Variants in CEP290 observed in about 807,000 individuals in gnomAD.
CEP290 encodes the protein centrosomal protein of 290 kDa.
Under a neutral mutation model 344.9 loss-of-function variants are expected in CEP290, and 317 were observed. The observed-to-expected ratio is 0.92, with a 90% CI of 0.84 to 1.01. The LOEUF (loss-of-function observed/expected upper bound fraction) is 1.01. Among genes scored for constraint, CEP290 ranks in the 50% least tolerant of loss-of-function variants. The pLI is 0.00. For synonymous variants in CEP290, 932 were observed against 895.8 expected (o/e 1.04, Z -0.72); for missense variants, 2,754 against 2,761.4 (o/e 1.00, Z 0.06).
chr12:88,069,304 A>T (rs1381928516), intron 43 of CEP290, among the ~76,000 whole-genome samples: 6 of 152,148 alleles, frequency 3.9e-5, no homozygotes, highest in Non-Finnish European at 8.8e-5. Flanking sequence ...AGAAATTCAA[A>T]CTAGAGTTCA....
chr12:88,077,198 A>G (rs748973020), intron 41 of CEP290, 24 bp downstream of exon 41: 2 of 1,593,526 alleles, frequency 1.3e-6, no homozygotes, highest in Non-Finnish European at 1.7e-6. Context: ...TTAAGCATAT[A>G]AGTCAGTATG....
chr12:88,051,492 G>T (rs1210580723), intron 52 of CEP290, among the ~76,000 whole-genome samples: 2 of 152,094 alleles, frequency 1.3e-5, no homozygotes, highest in African/African-American at 4.8e-5. Flanking sequence ...GTGTGCTACT[G>T]TACTGGGCTT....
intron 5 of CEP290, among the ~76,000 whole-genome samples, chr12:88,137,806 G>A (rs2040426682): frequency 6.6e-6 from 1 of 152,016 alleles, no homozygotes; most frequent in Admixed American, 6.6e-5. Context: ...GTGCTTCTAG[G>A]TTTACCCCAC....
intron 27 of CEP290, among the ~76,000 whole-genome samples, chr12:88,095,767 G>A (rs1483056898): frequency 6.6e-6 from 1 of 151,990 alleles, no homozygotes; most frequent in Non-Finnish European, 1.5e-5. Flanking sequence ...ATACATTATC[G>A]AAAGCAGCAA....
At position 88,055,660 on chromosome 12, in the gene CEP290, G is replaced by C. The variant is rs538590274; in HGVS notation, c.6876C>G (p.Ser2292Arg). The C allele has an allele frequency of 5.1e-6, 8 of 1,556,268 alleles. No homozygotes were observed. The highest frequency in any genetic ancestry group is 2.5e-5 in the South Asian group (2 of 81,412). Residue 2292 changes from serine (S) to arginine (R), a missense_variant, in exon 50 of 54, where the codon AGC becomes AGG. Ser to Arg is a moderately radical substitution (Grantham distance 110). Coordinates refer to ENST00000552810, the MANE Select transcript of CEP290 (RefSeq NM_025114.4). ...TTACAAGCTGTTTAAGGTCAGTAAT[G>C]CTTTGATTTTTTTTGGCAATATCAG... ...LETDIAKKNQ[S>R]ITDLKQLVKE... is the part of the protein sequence containing the mutation.
chr12:88,117,026 C>A lies in CEP290; in HGVS notation c.1824+7G>T, dbSNP rs1171490250. On this transcript the variant is annotated splice_region_variant and intron_variant, in intron 18 of 53. Transcript: ENST00000552810. ...CCTTTACTCTCTTTGCAATACTTTA[C>A]TATTACCTTTGATTGTGCTTCACTC... 2.3e-5 allele frequency: 26 copies of A among 1,128,462 alleles called. No individual in the cohort carries two copies. The highest frequency in any genetic ancestry group is 3.1e-5 in the Non-Finnish European group (24 of 769,674). 69.9% of individuals were successfully genotyped at this position (1,128,462 alleles called of 1,614,324 possible).
At chr12:88,106,654 C>G in intron 25 of CEP290, 21 bp downstream of exon 25, 2 of 1,549,574 alleles carry the variant, frequency 1.3e-6, no homozygotes, top group Non-Finnish European at 1.7e-6. Context: ...TCAGAAAAAG[C>G]AAAATAAGAA....
intron 19 of CEP290, 35 bp downstream of exon 19, chr12:88,115,063 T>A: frequency 8.9e-7 from 1 of 1,127,874 alleles, no homozygotes. Flanking sequence ...ATAGGAAAAA[T>A]AAGAACAGAA....
At chr12:88,065,101 A>G (rs2034805908) in intron 44 of CEP290, among the ~76,000 whole-genome samples, 1 of 151,954 alleles carries the variant, frequency 6.6e-6, no homozygotes, top group Non-Finnish European at 1.5e-5. Flanking sequence ...CATTTTTTCT[A>G]TAAATTAGAA....
At chr12:88,054,078 G>A (rs1331462100) in intron 51 of CEP290, among the ~76,000 whole-genome samples, 1 of 152,072 alleles carries the variant, frequency 6.6e-6, no homozygotes, top group African/African-American at 2.4e-5. Flanking sequence ...GGAAGCTAAG[G>A]TTTAACTCAT....
intron 21 of CEP290, 27 bp from the exon 22 acceptor site, chr12:88,111,378 A>G: frequency 6.4e-7 from 1 of 1,554,772 alleles, no homozygotes; most frequent in Non-Finnish European, 8.7e-7. Context: ...AGCAATGAGA[A>G]TCACAACTCT....
chr12:88,063,922 TAAC>T, intron 45 of CEP290, 56 bp downstream of exon 45: 1 of 1,407,808 alleles, frequency 7.1e-7, no homozygotes, highest in Non-Finnish European at 9.6e-7. Context: ...AAAGTAAACA[TAAC>T]AACTAAGGAA....
rs900618917 is a variant in CEP290, at chr12:88,090,737, T to C, written c.3564A>G (p.Leu1188=). 8.0e-5 allele frequency: 123 copies of C among 1,545,218 alleles called. No homozygotes were observed. Among genetic ancestry groups the C allele is most frequent in the Non-Finnish European group, 1.0e-4 (119 of 1,137,888 alleles). Residue 1188 remains leucine (L), a synonymous_variant, in exon 30 of 54, where the codon CTA becomes CTG. Coordinates refer to ENST00000552810, the MANE Select transcript of CEP290 (RefSeq NM_025114.4). The stretch of plus-strand genomic sequence containing the variant: ...CCAATACTGCACATACCTGATAGTC[T>C]AGCAGTTGCATTCTGAGGGACTCTA... ...KEVESLRMQL[L]DYQAQSDEKS...
Position 88,111,208 on chromosome 12 carries a change from C to A in CEP290, c.2361G>T (p.Leu787Phe). ...GTAACAAAATTTTCAATACCTGTAA[C>A]AAATGTATTAAATATTCATTCTGAG... ...INSQNEYLIH[L>F]LQELENKEKK... is the part of the protein sequence containing the mutation. The change falls in exon 22 of 54, where the codon TTG (leucine) becomes TTT (phenylalanine). Residue 787 changes from leucine (L) to phenylalanine (F), a missense_variant. Physicochemically the swap from Leu to Phe is conservative, Grantham distance 22. Coordinates refer to ENST00000552810, the MANE Select transcript of CEP290 (RefSeq NM_025114.4). 1 of 1,379,790 alleles carries A rather than the reference C, an allele frequency of 7.2e-7. No individual in the cohort carries two copies. Among genetic ancestry groups the A allele is most frequent in the Non-Finnish European group, 9.4e-7 (1 of 1,060,158 alleles). The allele number at this position is 1,379,790 out of a possible 1,614,324, so 85.5% of individuals were successfully genotyped here. A position where few individuals can be genotyped will look rare whatever the true frequency, so the allele number is the denominator to read the frequency against.
At position 88,118,507 on chromosome 12, in the gene CEP290, T is replaced by C. The variant is rs1369090662; in HGVS notation, c.1687A>G (p.Arg563Gly). The C allele has an allele frequency of 3.2e-6, 5 of 1,564,312 alleles. No homozygotes were observed. The highest frequency in any genetic ancestry group is 3.5e-6 in the Non-Finnish European group (4 of 1,152,754). ...CCTGAAGTTGCACTTCTTTTTCCTC[T>C]TTCTTGAGCCATTTGACGAATTTTT... ...KKKIRQMAQE[R>G]GKRSATSGLT... The change falls in exon 17 of 54, where the codon AGA becomes GGA. Residue 563 changes from arginine to glycine, a missense_variant. Arg to Gly is a moderately radical substitution (Grantham distance 125). Transcript: ENST00000552810.
Position 88,086,477 on chromosome 12 carries a change from C to T in CEP290, c.4216G>A (p.Ala1406Thr), listed in dbSNP as rs1239977559. The T allele has an allele frequency of 6.3e-7, 1 of 1,595,862 alleles. No individual in the cohort carries two copies. The highest frequency in any genetic ancestry group is 2.2e-5 in the East Asian group (1 of 44,556). Residue 1406 changes from alanine to threonine, a missense_variant, in exon 33 of 54, where the codon GCC (alanine) becomes ACC (threonine). Ala to Thr is a moderately conservative substitution (Grantham distance 58). Transcript: ENST00000552810. The part of the protein sequence containing the change: ...QNKFHEERQM[A>T]WDQREVDLER... ...AGGTCAACTTCTCTTTGATCCCAGG[C>T]CATTTGTCTTTCTTCATGAAACTAA... is the stretch of plus-strand genomic sequence containing the variant.
chr12:88,068,775 C>T (rs1271918167), intron 43 of CEP290, 130 bp from the exon 44 acceptor site: 3 of 850,128 alleles, frequency 3.5e-6, no homozygotes, highest in African/African-American at 3.7e-5. Flanking sequence ...ATTCTTCAAA[C>T]CTTCTAAACT....
chr12:88,078,954 T>C, intron 39 of CEP290, 138 bp downstream of exon 39: 3 of 572,222 alleles, frequency 5.2e-6, no homozygotes, highest in Non-Finnish European at 8.4e-6. Context: ...GAAAAATGCA[T>C]GTGTGTGTCT....
chr12:88,131,111 ACTTATTTTAATAAGTAC>A, intron 7 of CEP290, 37 bp downstream of exon 7: 1 of 1,300,086 alleles, frequency 7.7e-7, no homozygotes, highest in Admixed American at 3.2e-5. Context: ...AAACTTAGGT[ACTTATTTTAATAAGTAC>A]CTTTGTTGAA....
Sources: gnomAD v4.1 joint callset for allele counts (sites outside exome capture counted in the v4.1 genomes callset) on GRCh38, gnomAD v4.1.1 for gene constraint, MANE v1.5 for transcripts, NCBI Gene and HGNC (gene_info 2026-07-23, HGNC 2026-07-21) for gene names.